Variants in TWSG1 observed in about 807,000 individuals in gnomAD.
The protein encoded by TWSG1 is twisted gastrulation BMP signaling modulator 1.
In TWSG1, 15 loss-of-function variants were observed where a neutral mutation model predicts 23.0. That is an observed-to-expected ratio of 0.65 (90% confidence interval 0.44 to 1.00). The LOEUF (loss-of-function observed/expected upper bound fraction) is 1.00, where lower values mean the gene tolerates loss of function less well. Among genes scored for constraint, TWSG1 ranks in the 50% least tolerant of loss-of-function variants. The pLI is 0.00. For missense variants in TWSG1, 242 were observed against 278.7 expected, an observed-to-expected ratio of 0.87 and a Z score of 0.94; for synonymous variants, 86 against 92.8, an observed-to-expected ratio of 0.93 and a Z score of 0.42.
At chr18:9,362,695 C>T (rs867401861) in intron 3 of TWSG1, among the ~76,000 whole-genome samples, 7 of 152,122 alleles carry the variant, frequency 4.6e-5, no homozygotes, top group African/African-American at 4.8e-5. Flanking sequence ...TGCTGTTCAG[C>T]GTCTTCTTTT....
At position 9,382,480 on chromosome 18, in the gene TWSG1, G is replaced by T. The variant is rs1406082664; in HGVS notation, c.224-13800G>T. Among the ~76,000 whole-genome samples, 3 of 151,724 alleles carry T rather than the reference G, an allele frequency of 2.0e-5. No homozygotes were observed. In the East Asian group the frequency reaches 5.8e-4, roughly 29 times the overall value. Reference sequence around the variant, plus strand: ...GGAGGTTGCAGTGAACCGATATCGGGCCACTGCACTCCAGCCTAGGTGACA... The same window carrying T: ...GGAGGTTGCAGTGAACCGATATCGGTCCACTGCACTCCAGCCTAGGTGACA... On this transcript the variant is annotated intron_variant, in intron 3 of 4. Transcript: ENST00000262120.
At chr18:9,377,756 G>C (rs964443414) in intron 3 of TWSG1, among the ~76,000 whole-genome samples, 2 of 152,200 alleles carry the variant, frequency 1.3e-5, no homozygotes, top group African/African-American at 4.8e-5. Flanking sequence ...TCTCTACTCT[G>C]TTGCCCAGGC....
chr18:9,340,184 T>A (rs973047408), intron 2 of TWSG1, among the ~76,000 whole-genome samples: 1 of 151,724 alleles, frequency 6.6e-6, no homozygotes, highest in South Asian at 2.1e-4. Flanking sequence ...CTGGCTAACA[T>A]GGTGAAACCC....
At chr18:9,344,363 T>C (rs1453762832) in intron 2 of TWSG1, among the ~76,000 whole-genome samples, 1 of 152,206 alleles carries the variant, frequency 6.6e-6, no homozygotes, top group African/African-American at 2.4e-5. Context: ...ATGAGAGTTC[T>C]AGTTTCCCTA....
rs2040758395 is a variant in TWSG1 at position 9,400,550 on chromosome 18, G to A, written c.*1023G>A. 6.6e-6 allele frequency: 1 copy of A among 152,288 alleles called. No individual in the cohort carries two copies. Among genetic ancestry groups the A allele is most frequent in the Non-Finnish European group, 1.5e-5 (1 of 68,022 alleles). 9.4% of individuals were successfully genotyped at this position (152,288 alleles called of 1,614,324 possible). ...AGAAGAGAATTGACTCGTATGAACA[G>A]GACAGGGTGAAAATGCTGGGAATTA... On this transcript the variant is annotated 3_prime_UTR_variant, in exon 5 of 5. Transcript: ENST00000262120.
At chr18:9,364,920 A>T (rs568238676) in intron 3 of TWSG1, among the ~76,000 whole-genome samples, 4 of 135,952 alleles carry the variant, frequency 2.9e-5, no homozygotes, top group African/African-American at 9.9e-5. Context: ...ACTACATAGT[A>T]GCTTAAAATA....
chr18:9,363,428 G>A (rs1336004479), intron 3 of TWSG1, among the ~76,000 whole-genome samples: 2 of 151,832 alleles, frequency 1.3e-5, no homozygotes, highest in Admixed American at 6.6e-5. Context: ...TGCCAGACTT[G>A]TTTCATCCAT....
At chr18:9,340,367 C>CAAAA (rs775837207) in intron 2 of TWSG1, among the ~76,000 whole-genome samples, 147 of 67,018 alleles carry the variant, frequency 2.2e-3, no homozygotes, top group African/African-American at 2.7e-3. Flanking sequence ...GACTCCATTT[C>CAAAA]AAAAAAAAAA....
At chr18:9,376,858 G>A (rs559026572) in intron 3 of TWSG1, among the ~76,000 whole-genome samples, 2 of 150,966 alleles carry the variant, frequency 1.3e-5, no homozygotes, top group African/African-American at 2.4e-5. Context: ...AAAGTATTAG[G>A]CCTATGATGG....
At chr18:9,379,034 G>C (rs189333096) in intron 3 of TWSG1, among the ~76,000 whole-genome samples, 2 of 152,258 alleles carry the variant, frequency 1.3e-5, no homozygotes, top group South Asian at 4.1e-4. Context: ...AGATGCTGGC[G>C]AAGTTGTGGA....
intron 2 of TWSG1, among the ~76,000 whole-genome samples, chr18:9,345,640 T>G (rs1025559983): frequency 6.6e-6 from 1 of 152,210 alleles, no homozygotes; most frequent in African/African-American, 2.4e-5. Context: ...AGTACCACAT[T>G]GTCTTGATTA....
At chr18:9,387,821 ACTTT>A (rs2040692971) in intron 3 of TWSG1, among the ~76,000 whole-genome samples, 1 of 151,436 alleles carries the variant, frequency 6.6e-6, no homozygotes, top group East Asian at 1.9e-4. Flanking sequence ...TTTTACCCCT[ACTTT>A]CTTTCAGTGT....
At position 9,369,136 on chromosome 18, in the gene TWSG1, TAAATAAAATAAAATA is replaced by T. The variant is rs143374240; in HGVS notation, c.223+9078_223+9092del. On this transcript the variant is annotated intron_variant, in intron 3 of 4. Coordinates refer to ENST00000262120, the MANE Select transcript of TWSG1 (RefSeq NM_020648.6). ...ACAAACAAACAAACAAACAAATAAA[TAAATAAAATAAAATA>T]AAATAAAATAAATAATTTGTATTAC... is the stretch of plus-strand genomic sequence containing the variant. Among the ~76,000 whole-genome samples the T allele has an allele frequency of 1.5e-3, 203 of 137,374 alleles. 1 individual carries two copies. Among genetic ancestry groups the T allele is most frequent in the Non-Finnish European group, 2.2e-3 (131 of 60,706 alleles). The allele number at this position is 137,374 out of a possible 152,430, so 90.1% of individuals were successfully genotyped here. A position where few individuals can be genotyped will look rare whatever the true frequency, so the allele number is the denominator to read the frequency against.
chr18:9,348,953 C>A (rs190137716), intron 2 of TWSG1, among the ~76,000 whole-genome samples: 19 of 152,210 alleles, frequency 1.2e-4, no homozygotes, highest in African/African-American at 4.3e-4. Context: ...TTTTTACCAG[C>A]ATGGTTGCAA....
At chr18:9,359,450 C>A (rs1427633093) in intron 2 of TWSG1, among the ~76,000 whole-genome samples, 4 of 152,142 alleles carry the variant, frequency 2.6e-5, no homozygotes, top group Non-Finnish European at 5.9e-5. Flanking sequence ...AGCTGCAAAG[C>A]TACATTGCAA....
chr18:9,378,744 G>A (rs2040642509), intron 3 of TWSG1, among the ~76,000 whole-genome samples: 1 of 151,984 alleles, frequency 6.6e-6, no homozygotes, highest in South Asian at 2.1e-4. Flanking sequence ...GGCCAAGATG[G>A]GTGGATCACT....
intron 2 of TWSG1, among the ~76,000 whole-genome samples, chr18:9,337,853 G>A (rs1568029775): frequency 6.6e-6 from 1 of 152,306 alleles, no homozygotes; most frequent in Non-Finnish European, 1.5e-5. Flanking sequence ...TTAGCCAGGT[G>A]GCTGTGGCTT....
intron 2 of TWSG1, among the ~76,000 whole-genome samples, chr18:9,342,522 C>G (rs1002702204): frequency 6.6e-6 from 1 of 152,002 alleles, no homozygotes; most frequent in Non-Finnish European, 1.5e-5. Context: ...ATTACATTTC[C>G]CTTCTTGAAT....
intron 3 of TWSG1, among the ~76,000 whole-genome samples, chr18:9,360,683 G>A (rs1319398594): frequency 6.6e-6 from 1 of 151,984 alleles, no homozygotes; most frequent in Non-Finnish European, 1.5e-5. Flanking sequence ...ATGTTTTTTC[G>A]ACAGAGTATC....
Sources: gnomAD v4.1 joint callset for allele counts (sites outside exome capture counted in the v4.1 genomes callset) on GRCh38, gnomAD v4.1.1 for gene constraint, MANE v1.5 for transcripts, NCBI Gene and HGNC (gene_info 2026-07-23, HGNC 2026-07-21) for gene names.